The following DCAF10 variants were observed in gnomAD, a reference collection of about 807,000 sequenced individuals.
The protein encoded by DCAF10 is DDB1- and CUL4-associated factor 10.
A neutral mutation model predicts 51.9 loss-of-function variants in DCAF10; 19 were observed. That is an observed-to-expected ratio of 0.37 (90% CI 0.26 to 0.54). The LOEUF (loss-of-function observed/expected upper bound fraction) is 0.54. DCAF10 is among the 20% of genes least tolerant of loss of function. The probability of loss-of-function intolerance (pLI) is 0.87; values close to 1 mark genes in which losing one functional copy is unlikely to be tolerated. For missense variants in DCAF10, 510 were observed against 730.6 expected, an observed-to-expected ratio of 0.70 and a Z score of 3.48; for synonymous variants, 291 against 297.1, an observed-to-expected ratio of 0.98 and a Z score of 0.21.
rs150876033 is a variant in DCAF10 at position 37,803,894 on chromosome 9, T to C, written c.539+2489T>C. Among the ~76,000 whole-genome samples, 698 of 151,324 alleles carry C rather than the reference T, an allele frequency of 4.6e-3. 9 individuals carry two copies. The highest frequency in any genetic ancestry group is 0.016 in the African/African-American group (673 of 41,194). Reference sequence around the variant, plus strand: ...TTAATAGAGACCACAATATAAGGAATTTGGCAATAAAAAAGATAAATGGGT... The same window carrying C: ...TTAATAGAGACCACAATATAAGGAACTTGGCAATAAAAAAGATAAATGGGT... On this transcript the variant is annotated intron_variant, in intron 1 of 6. Coordinates refer to ENST00000377724, the MANE Select transcript of DCAF10 (RefSeq NM_024345.5).
In DCAF10 at chr9:37,827,775, C is replaced by A. The variant is rs1427886902; in HGVS notation, c.653+8374C>A. Among the ~76,000 whole-genome samples the A allele has an allele frequency of 3.3e-5, 5 of 152,178 alleles. No homozygotes were observed. In the East Asian group the frequency reaches 9.6e-4, roughly 29 times the overall value. On this transcript the variant is annotated intron_variant, in intron 2 of 6. Transcript: ENST00000377724. ...GTGAGGAATTTAGTAGAAAGTGACT[C>A]TGCATAAGGCTGGGACCCCAAAAGT...
At chr9:37,804,032 A>G (rs1829036440) in intron 1 of DCAF10, among the ~76,000 whole-genome samples, 1 of 152,074 alleles carries the variant, frequency 6.6e-6, no homozygotes, top group Non-Finnish European at 1.5e-5. Flanking sequence ...TGATAATGTT[A>G]ATAAATTATA....
rs568030977 is a variant in DCAF10 at position 37,802,507 on chromosome 9, A to G, written c.539+1102A>G. On this transcript the variant is annotated intron_variant, in intron 1 of 6. Transcript: ENST00000377724. ...TCAGATGGAGATGATTGGTATGTCA[A>G]AGGTCGTAGAAGGGCAGCATATCAT... Among the ~76,000 whole-genome samples the G allele has an allele frequency of 1.6e-4, 24 of 152,282 alleles. No homozygotes were observed. In the South Asian group the frequency reaches 4.8e-3, roughly 30 times the overall value.
chr9:37,861,593 GATCTT>G lies in DCAF10; in HGVS notation c.*88_*92del. ...TAGATGAAGTATTTTCTTTTTAGAA[GATCTT>G]ATAAGTTTGGGTCAAGATCCTGGTT... On this transcript the variant is annotated 3_prime_UTR_variant, in exon 7 of 7. Coordinates refer to ENST00000377724, the MANE Select transcript of DCAF10 (RefSeq NM_024345.5). This position sits in a 1 kb window ranked among gnomAD's most constrained non-coding sequence, Gnocchi z 4.9. 1 of 1,515,154 alleles carries G rather than the reference GATCTT, an allele frequency of 6.6e-7. No individual in the cohort carries two copies. Among genetic ancestry groups the G allele is most frequent in the Non-Finnish European group, 8.8e-7 (1 of 1,134,724 alleles). The allele number at this position is 1,515,154 out of a possible 1,614,324, so 93.9% of individuals were successfully genotyped here. A position where few individuals can be genotyped will look rare whatever the true frequency, so the allele number is the denominator to read the frequency against.
At chr9:37,827,311 T>C (rs1422271483) in intron 2 of DCAF10, among the ~76,000 whole-genome samples, 1 of 151,902 alleles carries the variant, frequency 6.6e-6, no homozygotes, top group Non-Finnish European at 1.5e-5. Flanking sequence ...TATGCTACAA[T>C]AGGATAAAAG....
intron 1 of DCAF10, among the ~76,000 whole-genome samples, chr9:37,808,673 A>ATTTATATTTAT (rs1829218075): frequency 7.8e-5 from 8 of 102,598 alleles, no homozygotes; most frequent in Admixed American, 2.7e-4. Context: ...TATATTATAT[A>ATTTATATTTAT]ATATAAAATA....
intron 2 of DCAF10, among the ~76,000 whole-genome samples, chr9:37,832,445 C>T (rs969798264): frequency 1.3e-5 from 2 of 150,650 alleles, no homozygotes; most frequent in Admixed American, 6.6e-5. Flanking sequence ...GCAACAAGAG[C>T]GAGACTCCGT....
At chr9:37,811,178 A>G (rs1589078229) in intron 1 of DCAF10, among the ~76,000 whole-genome samples, 1 of 152,044 alleles carries the variant, frequency 6.6e-6, no homozygotes, top group African/African-American at 2.4e-5. Flanking sequence ...CAAAAAATCT[A>G]AAAATTAGCT....
chr9:37,830,095 G>C (rs1257449523), intron 2 of DCAF10, among the ~76,000 whole-genome samples: 1 of 98,362 alleles, frequency 1.0e-5, no homozygotes, highest in Admixed American at 9.2e-5. Context: ...TTGTAATAGA[G>C]AGAAGTTGGA....
At chr9:37,860,800 G>A (rs559901456) in intron 6 of DCAF10, among the ~76,000 whole-genome samples, 1 of 152,102 alleles carries the variant, frequency 6.6e-6, no homozygotes, top group Non-Finnish European at 1.5e-5. Flanking sequence ...TAGGGGAAGA[G>A]GTAAGATACT....
Position 37,850,829 on chromosome 9 carries a change from TATATATATATATA to T in DCAF10, c.852-3950_852-3938del, listed in dbSNP as rs1564048654. Among the ~76,000 whole-genome samples the T allele has an allele frequency of 7.5e-3, 506 of 67,894 alleles. 15 individuals carry two copies. The highest frequency in any genetic ancestry group is 0.019 in the Admixed American group (118 of 6,170). 44.5% of individuals were successfully genotyped at this position (67,894 alleles called of 152,430 possible). A position where few individuals can be genotyped will look rare whatever the true frequency, so the allele number is the denominator to read the frequency against. On this transcript the variant is annotated intron_variant, in intron 3 of 6. Transcript: ENST00000377724. ...GCTAAGTATGTGAGGATATATTTTA[TATATATATATATA>T]TATATATATATATATATATATATAT...
In DCAF10 at chr9:37,801,066, G is replaced by A; in HGVS notation, c.200G>A (p.Arg67His). ...PGAPSLSPAP[R>H]SGELGLPGAP... ...GCCCCATCGCTGTCCCCGGCCCCGCGCTCCGGAGAGCTAGGGCTGCCTGGA... is the reference window on the plus strand; with the variant it reads ...GCCCCATCGCTGTCCCCGGCCCCGCACTCCGGAGAGCTAGGGCTGCCTGGA... The change falls in exon 1 of 7, where the codon CGC (arginine) becomes CAC (histidine). Residue 67 changes from arginine to histidine, a missense_variant. Arg to His is a conservative substitution (Grantham distance 29, BLOSUM62 0). This residue lies in a region of DCAF10 where 251 missense variants were observed against 227.9 expected (regional missense o/e 1.10). Coordinates refer to ENST00000377724, the MANE Select transcript of DCAF10 (RefSeq NM_024345.5). This position sits in a 1 kb window ranked among gnomAD's most constrained non-coding sequence, Gnocchi z 5.5. 1 of 1,530,464 alleles carries A rather than the reference G, an allele frequency of 6.5e-7. No homozygotes were observed. Among genetic ancestry groups the A allele is most frequent in the Non-Finnish European group, 8.7e-7 (1 of 1,146,396 alleles). The allele number at this position is 1,530,464 out of a possible 1,614,324, so 94.8% of individuals were successfully genotyped here. A position where few individuals can be genotyped will look rare whatever the true frequency, so the allele number is the denominator to read the frequency against.
At chr9:37,812,930 G>A (rs1829397619) in intron 1 of DCAF10, among the ~76,000 whole-genome samples, 1 of 152,002 alleles carries the variant, frequency 6.6e-6, no homozygotes, top group Non-Finnish European at 1.5e-5. Flanking sequence ...ATATTAGGAT[G>A]GGATAAAGGA....
At chr9:37,809,881 T>G (rs1205294775) in intron 1 of DCAF10, among the ~76,000 whole-genome samples, 1 of 151,210 alleles carries the variant, frequency 6.6e-6, no homozygotes, top group Non-Finnish European at 1.5e-5. Flanking sequence ...CCGTGCGCGG[T>G]GGCTCACGCC....
chr9:37,860,325 C>T (rs767505859), intron 6 of DCAF10, 132 bp downstream of exon 6: 25 of 1,165,554 alleles, frequency 2.1e-5, no homozygotes, highest in Middle Eastern at 2.8e-4. Context: ...TCCTGCTTCT[C>T]GACTCTCCTG....
At position 37,862,805 on chromosome 9, in the gene DCAF10, C is replaced by G. The variant is rs969709547; in HGVS notation, c.*1297C>G. 10 of 152,222 alleles carry G rather than the reference C, an allele frequency of 6.6e-5. No homozygotes were observed. Among genetic ancestry groups the G allele is most frequent in the African/African-American group, 2.4e-4 (10 of 41,434 alleles). 9.4% of individuals were successfully genotyped at this position (152,222 alleles called of 1,614,324 possible). A position where few individuals can be genotyped will look rare whatever the true frequency, so the allele number is the denominator to read the frequency against. ...CGATTTAAGCTATGCACTAGCCTTG[C>G]CCTCTTAGGTTGCATTCTCTTTAGG... On this transcript the variant is annotated 3_prime_UTR_variant, in exon 7 of 7. Coordinates refer to ENST00000377724, the MANE Select transcript of DCAF10 (RefSeq NM_024345.5).
chr9:37,849,897 A>C (rs549313458), intron 3 of DCAF10, among the ~76,000 whole-genome samples: 138 of 152,180 alleles, frequency 9.1e-4, no homozygotes, highest in East Asian at 2.9e-3. Context: ...ACAACAACAA[A>C]AAATTTAAAA....
intron 3 of DCAF10, among the ~76,000 whole-genome samples, chr9:37,850,163 C>T (rs901951822): frequency 6.6e-6 from 1 of 152,262 alleles, no homozygotes; most frequent in East Asian, 1.9e-4. Flanking sequence ...GAGAAATTAT[C>T]AGAATTAGTA....
At chr9:37,834,011 C>T (rs1252217585) in intron 2 of DCAF10, among the ~76,000 whole-genome samples, 1 of 152,102 alleles carries the variant, frequency 6.6e-6, no homozygotes, top group Non-Finnish European at 1.5e-5. Flanking sequence ...GCGATCTCGG[C>T]TCACTGCAGC....
Sources: allele counts gnomAD v4.1 joint callset (sites outside exome capture counted in the v4.1 genomes callset), GRCh38; gene constraint gnomAD v4.1.1; regional missense constraint gnomAD v4.1.1; non-coding constraint Gnocchi (gnomAD v3.1); transcripts MANE v1.5; gene names NCBI Gene and HGNC (gene_info 2026-07-23, HGNC 2026-07-21).